Variants in PPARGC1A observed in about 807,000 individuals in gnomAD.
The protein encoded by PPARGC1A is PPARG coactivator 1 alpha.
Under a neutral mutation model 88.7 loss-of-function variants are expected in PPARGC1A, and 25 were observed. The observed-to-expected ratio is 0.28, with a 90% CI of 0.21 to 0.39. PPARGC1A has a LOEUF of 0.39. PPARGC1A is among the 10% of genes least tolerant of loss of function. The pLI is 1.00. For missense variants in PPARGC1A, 880 were observed against 968.7 expected, an observed-to-expected ratio of 0.91 and a Z score of 1.22; for synonymous variants, 363 against 355.6, an observed-to-expected ratio of 1.02 and a Z score of -0.24.
the PPARGC1A span, among the ~76,000 whole-genome samples, chr4:24,296,012 ATATATATG>A: frequency 4.2e-4 from 36 of 86,686 alleles, no homozygotes; most frequent in Non-Finnish European, 8.1e-4. Flanking sequence ...GTATGTGTGT[ATATATATG>A]TATATGTGTG....
intron 2 of PPARGC1A, among the ~76,000 whole-genome samples, chr4:23,844,798 T>TATATATTATTATAATATATGAC (rs1560429301): frequency 6.9e-4 from 86 of 124,878 alleles, no homozygotes; most frequent in African/African-American, 2.3e-3. Context: ...TAATATATGA[T>TATATATTATTATAATATATGAC]ATATATTATT....
the PPARGC1A span, among the ~76,000 whole-genome samples, chr4:24,134,763 ACTTT>A: frequency 6.6e-6 from 1 of 152,176 alleles, no homozygotes; most frequent in African/African-American, 2.4e-5. Context: ...ATTTTGGTTC[ACTTT>A]TTTTCCAGTG....
the PPARGC1A span, among the ~76,000 whole-genome samples, chr4:23,966,590 T>C: frequency 6.6e-6 from 1 of 152,328 alleles, no homozygotes; most frequent in Non-Finnish European, 1.5e-5. Context: ...TCCCGTAGTT[T>C]ATCCTAACAG....
chr4:24,350,746 C>T, the PPARGC1A span, among the ~76,000 whole-genome samples: 7 of 152,222 alleles, frequency 4.6e-5, no homozygotes, highest in Admixed American at 1.3e-4. Context: ...CATTCACTAC[C>T]GGCAGAACAT....
chr4:23,857,754 C>A (rs1730465794), intron 2 of PPARGC1A, among the ~76,000 whole-genome samples: 1 of 151,788 alleles, frequency 6.6e-6, no homozygotes, highest in South Asian at 2.1e-4. Context: ...ACACTATTCT[C>A]ACCACTCCAG....
At chr4:24,118,975 A>C in the PPARGC1A span, among the ~76,000 whole-genome samples, 2 of 152,222 alleles carry the variant, frequency 1.3e-5, no homozygotes, top group African/African-American at 2.4e-5. Flanking sequence ...TTTTGTTCTT[A>C]ATAGAAGGTG....
the PPARGC1A span, among the ~76,000 whole-genome samples, chr4:23,988,444 G>A: frequency 6.6e-6 from 1 of 151,992 alleles, no homozygotes; most frequent in Admixed American, 6.6e-5. Context: ...CCCCCAGCAT[G>A]TTCTTTCCTG....
the PPARGC1A span, among the ~76,000 whole-genome samples, chr4:24,146,834 G>C: frequency 3.0e-4 from 45 of 152,280 alleles, 1 homozygote; most frequent in East Asian, 8.7e-3. Context: ...AGCACCCCTG[G>C]TGGCTCTCCA....
chr4:24,362,697 C>T, the PPARGC1A span, among the ~76,000 whole-genome samples: 1 of 152,156 alleles, frequency 6.6e-6, no homozygotes, highest in African/African-American at 2.4e-5. Flanking sequence ...CAAGTCTAGT[C>T]ATCCAAAGAG....
chr4:24,002,097 C>CAGAGAGAGAGAG, the PPARGC1A span, among the ~76,000 whole-genome samples: 49 of 125,378 alleles, frequency 3.9e-4, no homozygotes, highest in East Asian at 4.8e-3. Context: ...CACACACACA[C>CAGAGAGAGAGAG]AGAGAGAGAG....
chr4:23,842,069 A>C (rs1016904561), intron 2 of PPARGC1A, among the ~76,000 whole-genome samples: 7 of 152,182 alleles, frequency 4.6e-5, no homozygotes, highest in African/African-American at 1.4e-4. Context: ...TATTATTAGA[A>C]AAATGAGTGG....
the PPARGC1A span, among the ~76,000 whole-genome samples, chr4:24,267,639 T>A: frequency 2.9e-4 from 44 of 152,214 alleles, no homozygotes; most frequent in Non-Finnish European, 1.5e-4. Context: ...CATGGTTCAC[T>A]GTCCATCAAT....
At chr4:24,193,688 TG>T in the PPARGC1A span, among the ~76,000 whole-genome samples, 3 of 152,352 alleles carry the variant, frequency 2.0e-5, no homozygotes, top group African/African-American at 7.2e-5. Context: ...AATTTCTTCC[TG>T]GGTTTTAGGA....
chr4:24,469,630 T>C, the PPARGC1A span, among the ~76,000 whole-genome samples: 1 of 152,112 alleles, frequency 6.6e-6, no homozygotes, highest in African/African-American at 2.4e-5. Context: ...AGCCAATCAT[T>C]CTCCAGAGAG....
the PPARGC1A span, among the ~76,000 whole-genome samples, chr4:24,429,118 G>A: frequency 6.6e-6 from 1 of 152,178 alleles, no homozygotes; most frequent in Non-Finnish European, 1.5e-5. Context: ...CACTGGGCGA[G>A]GTAGTAAATA....
chr4:24,183,564 G>A, the PPARGC1A span, among the ~76,000 whole-genome samples: 1 of 152,188 alleles, frequency 6.6e-6, no homozygotes, highest in African/African-American at 2.4e-5. Flanking sequence ...TGTGTTTCCA[G>A]CACCCTGGGA....
chr4:23,892,348 C>T (rs1039643330), upstream of PPARGC1A, among the ~76,000 whole-genome samples: 7 of 151,974 alleles, frequency 4.6e-5, no homozygotes, highest in Non-Finnish European at 7.4e-5. Flanking sequence ...GACTCATAAA[C>T]TACAGTATAT....
the PPARGC1A span, among the ~76,000 whole-genome samples, chr4:24,382,216 TAC>T: frequency 6.6e-6 from 1 of 152,186 alleles, no homozygotes; most frequent in African/African-American, 2.4e-5. Context: ...TGAAATAATG[TAC>T]AGTCACTAAT....
At chr4:24,103,883 A>G in the PPARGC1A span, among the ~76,000 whole-genome samples, 1 of 152,230 alleles carries the variant, frequency 6.6e-6, no homozygotes, top group Non-Finnish European at 1.5e-5. Context: ...TTTCCAACAC[A>G]GTATTTATGA....
Sources: allele counts gnomAD v4.1 joint callset (sites outside exome capture counted in the v4.1 genomes callset), GRCh38; gene constraint gnomAD v4.1.1; transcripts MANE v1.5; gene names NCBI Gene and HGNC (gene_info 2026-07-23, HGNC 2026-07-21).